Variants in FANCA observed in about 807,000 individuals in gnomAD.
FANCA encodes FA complementation group A.
In FANCA, 236 loss-of-function variants were observed where a neutral mutation model predicts 194.3. The ratio of observed to expected loss-of-function variants is 1.21; its 90% CI spans 1.09 to 1.35. The LOEUF is 1.35. Ranked by LOEUF, FANCA falls within the 40% of genes most tolerant of loss-of-function variation. FANCA has a pLI of 0.00. For missense variants in FANCA, 2,628 were observed against 1,813.9 expected (o/e 1.45, Z -8.15); for synonymous variants, 1,014 against 715.8 (o/e 1.42, Z -6.65).
Position 89,813,594 on chromosome 16 carries a change from G to A in FANCA, c.283+926C>T, listed in dbSNP as rs574482532. Among the ~76,000 whole-genome samples the A allele has an allele frequency of 4.6e-5, 7 of 151,996 alleles. No homozygotes were observed. The East Asian group carries it at 1.4e-3, about 29-fold the overall frequency. On this transcript the variant is annotated intron_variant, in intron 3 of 42. Coordinates refer to ENST00000389301, the MANE Select transcript of FANCA (RefSeq NM_000135.4). Reference sequence around the variant, plus strand: ...ACTACAGGCACCCACCACCACACCCGGCTAATTTTTGTGTTTTTTAGTAGA... The same window carrying A: ...ACTACAGGCACCCACCACCACACCCAGCTAATTTTTGTGTTTTTTAGTAGA...
At position 89,738,111 on chromosome 16, in the gene FANCA, T is replaced by A; in HGVS notation, c.*490A>T. 6.2e-7 allele frequency: 1 copy of A among 1,613,920 alleles called. No homozygotes were observed. On this transcript the variant is annotated 3_prime_UTR_variant, in exon 43 of 43. Coordinates refer to ENST00000389301, the MANE Select transcript of FANCA (RefSeq NM_000135.4). ...GGTTTGAGAAGGCCCACAACCTCAATGTACACATGTCCATGGTGCACCCGC... is the reference window on the plus strand; with the variant it reads ...GGTTTGAGAAGGCCCACAACCTCAAAGTACACATGTCCATGGTGCACCCGC...
At chr16:89,765,550 G>C (rs148726588) in intron 27 of FANCA, among the ~76,000 whole-genome samples, 2,372 of 152,372 alleles carry the variant, frequency 0.016, 41 homozygotes, top group Non-Finnish European at 0.019. Flanking sequence ...CTGCCTCCCA[G>C]GGGTAGGGCT....
At chr16:89,742,138 G>A (rs1260226786) in intron 37 of FANCA, among the ~76,000 whole-genome samples, 2 of 151,894 alleles carry the variant, frequency 1.3e-5, no homozygotes, top group African/African-American at 2.4e-5. Flanking sequence ...CACCACACCC[G>A]ACTAATTTTT....
chr16:89,755,743 G>A (rs1031716548), intron 30 of FANCA, among the ~76,000 whole-genome samples: 1 of 152,172 alleles, frequency 6.6e-6, no homozygotes, highest in East Asian at 1.9e-4. Flanking sequence ...GTCATGAACT[G>A]CTCAATGACA....
intron 6 of FANCA, among the ~76,000 whole-genome samples, chr16:89,806,210 G>T (rs2040635920): frequency 6.6e-6 from 1 of 152,134 alleles, no homozygotes; most frequent in Non-Finnish European, 1.5e-5. Flanking sequence ...ACCGCACCTG[G>T]CCTTGGCCTG....
At position 89,775,592 on chromosome 16, in the gene FANCA, C is replaced by T. The variant is rs543795051; in HGVS notation, c.1900+150G>A. On this transcript the variant is annotated intron_variant, in intron 21 of 42. Transcript: ENST00000389301. ...TGCCACAGCTGGCACTGGGCGTCAG[C>T]ATGGTGGGCGGACCCTGTACCCAAA... The T allele has an allele frequency of 1.0e-5, 7 of 678,132 alleles. No individual in the cohort carries two copies. In the East Asian group the frequency reaches 2.0e-4, roughly 19 times the overall value. 42.0% of individuals were successfully genotyped at this position (678,132 alleles called of 1,614,324 possible).
intron 10 of FANCA, 119 bp downstream of exon 10, chr16:89,799,047 A>AG: frequency 6.2e-7 from 1 of 1,614,258 alleles, no homozygotes; most frequent in South Asian, 1.1e-5. Context: ...TAACTGGCAG[A>AG]GGAAGTGTGC....
intron 3 of FANCA, among the ~76,000 whole-genome samples, chr16:89,812,898 C>T (rs1462810454): frequency 3.3e-5 from 5 of 150,000 alleles, no homozygotes; most frequent in Non-Finnish European, 5.9e-5. Flanking sequence ...CTGGGTGCGG[C>T]GGCGGGCACC....
chr16:89,808,078 G>GAA (rs2040729874), intron 6 of FANCA, among the ~76,000 whole-genome samples: 1 of 150,396 alleles, frequency 6.6e-6, no homozygotes, highest in East Asian at 1.9e-4. Flanking sequence ...CAGACAAAAA[G>GAA]CAAACAAAAC....
rs1159952080 is a variant in FANCA, at chr16:89,745,036, G to A, written c.3549C>T (p.Cys1183=). The change falls in exon 36 of 43, where the codon TGC becomes TGT. Residue 1183 remains cysteine (C), a synonymous_variant. Transcript: ENST00000389301. The part of the protein sequence containing the change: ...WWPSLEPVLL[C]RWRRHCQSPL... ...GGCTCTGGCAGTGTCTCCTCCACCG[G>A]CAGAGCAGCACAGGCTCCAGGCTCG... is the stretch of plus-strand genomic sequence containing the variant. The A allele has an allele frequency of 1.2e-6, 2 of 1,609,630 alleles. No homozygotes were observed. Among genetic ancestry groups the A allele is most frequent in the East Asian group, 2.2e-5 (1 of 44,860 alleles).
chr16:89,775,023 G>C (rs890289659), intron 21 of FANCA, among the ~76,000 whole-genome samples: 1 of 151,838 alleles, frequency 6.6e-6, no homozygotes, highest in Non-Finnish European at 1.5e-5. Context: ...GAACCCAGGG[G>C]GCAGAGGTTT....
At chr16:89,775,715 G>A in intron 21 of FANCA, 27 bp downstream of exon 21, 2 of 1,589,038 alleles carry the variant, frequency 1.3e-6, no homozygotes, top group South Asian at 2.3e-5. Flanking sequence ...ACAAGTCCCA[G>A]AGTGGACAAG....
chr16:89,742,653 C>CAAAAAAAAAAAAAAAGAA (rs2062163997), intron 37 of FANCA, 147 bp downstream of exon 37: 1 of 274,614 alleles, frequency 3.6e-6, no homozygotes, highest in Non-Finnish European at 6.0e-6. Flanking sequence ...ACTAAAAATA[C>CAAAAAAAAAAAAAAAGAA]AAAAAAAAAA....
chr16:89,793,420 G>A (rs553971751), intron 11 of FANCA, among the ~76,000 whole-genome samples: 18 of 152,288 alleles, frequency 1.2e-4, no homozygotes, highest in Admixed American at 3.9e-4. Flanking sequence ...ATTATAGAGC[G>A]AGGATTATTA....
intron 30 of FANCA, among the ~76,000 whole-genome samples, chr16:89,753,165 G>C (rs2038655118): frequency 6.6e-6 from 1 of 152,164 alleles, no homozygotes; most frequent in African/African-American, 2.4e-5. Flanking sequence ...CTCCCTCTCT[G>C]CCTCAGCTGC....
intron 20 of FANCA, chr16:89,778,533 CAA>C: frequency 2.4e-6 from 1 of 414,838 alleles, no homozygotes; most frequent in Non-Finnish European, 4.2e-6. Flanking sequence ...GAGGCTGAAG[CAA>C]GAGAATCGCT....
At position 89,746,570 on chromosome 16, in the gene FANCA, G is replaced by A. The variant is rs762933190; in HGVS notation, c.3513+14C>T. ...ATCCCCAAAACAAAACACCAAACAA[G>A]ACAGCTGACCCACCAGAGCAGAGGT... On this transcript the variant is annotated intron_variant, in intron 35 of 42. Transcript: ENST00000389301. The A allele has an allele frequency of 1.9e-6, 3 of 1,610,398 alleles. No homozygotes were observed. The highest frequency in any genetic ancestry group is 3.3e-5 in the Admixed American group (2 of 59,998).
At chr16:89,775,875 C>G in intron 20 of FANCA, 60 bp from the exon 21 acceptor site, 2 of 1,052,076 alleles carry the variant, frequency 1.9e-6, no homozygotes, top group Non-Finnish European at 2.9e-6. Flanking sequence ...TTCAAGATTA[C>G]AATCCCCAAA....
intron 3 of FANCA, among the ~76,000 whole-genome samples, chr16:89,813,300 C>T (rs1178740334): frequency 6.6e-6 from 1 of 151,358 alleles, no homozygotes; most frequent in Non-Finnish European, 1.5e-5. Context: ...CCCAGCTACT[C>T]AAGATGCTGG....
Sources: gnomAD v4.1 joint callset for allele counts (sites outside exome capture counted in the v4.1 genomes callset) on GRCh38, gnomAD v4.1.1 for gene constraint, MANE v1.5 for transcripts, NCBI Gene and HGNC (gene_info 2026-07-23, HGNC 2026-07-21) for gene names.